CCNY: variants seen among roughly 807,000 people sequenced by gnomAD.
CCNY encodes cyclin Y.
Under a neutral mutation model 42.8 loss-of-function variants are expected in CCNY, and 19 were observed. That is an observed-to-expected ratio of 0.44 (90% CI 0.31 to 0.65). The LOEUF (loss-of-function observed/expected upper bound fraction) is 0.65, where lower values mean the gene tolerates loss of function less well. Among genes scored for constraint, CCNY ranks in the 30% least tolerant of loss-of-function variants. The pLI is 0.07. For synonymous variants in CCNY, 165 were observed against 162.7 expected (o/e 1.01, Z -0.11); for missense variants, 370 against 437.3 (o/e 0.85, Z 1.37).
intron 1 of CCNY, among the ~76,000 whole-genome samples, chr10:35,414,346 A>C (rs10827502): frequency 0.29 from 44,106 of 152,188 alleles, 6,672 homozygotes; most frequent in Admixed American, 0.35. Flanking sequence ...TATGAGACTG[A>C]GGGCCACAGT....
chr10:35,534,999 A>ATGTG (rs59534409), intron 7 of CCNY, among the ~76,000 whole-genome samples: 16,153 of 133,298 alleles, frequency 0.12, 960 homozygotes, highest in African/African-American at 0.14. Flanking sequence ...ATCTATATAT[A>ATGTG]TGTGTGTGTG....
intron 8 of CCNY, among the ~76,000 whole-genome samples, chr10:35,560,690 G>T (rs991185150): frequency 2.6e-5 from 4 of 152,362 alleles, no homozygotes; most frequent in Middle Eastern, 3.4e-3. Flanking sequence ...TCTAGGAGCT[G>T]CTGGAGATAT....
chr10:35,568,072 A>G (rs10764048), intron 9 of CCNY, among the ~76,000 whole-genome samples: 61,866 of 152,038 alleles, frequency 0.41, 13,734 homozygotes, highest in African/African-American at 0.59. Context: ...CTTCAGTGCT[A>G]ATGAGACAAG....
chr10:35,469,114 G>A lies in CCNY; in HGVS notation c.155-14290G>A, dbSNP rs773824116. Reference sequence around the variant, plus strand: ...TATGCCAGATCACTGGTGTGAACCCGCATGTGTGTCACCTTAGTCAAAACC... The same window carrying A: ...TATGCCAGATCACTGGTGTGAACCCACATGTGTGTCACCTTAGTCAAAACC... On this transcript the variant is annotated intron_variant, in intron 1 of 9. Coordinates refer to ENST00000374704, the MANE Select transcript of CCNY (RefSeq NM_145012.6). 4.8e-4 allele frequency among the ~76,000 whole-genome samples: 73 copies of A among 152,284 alleles called. 1 individual carries two copies. Among genetic ancestry groups the A allele is most frequent in the Middle Eastern group, 3.4e-3 (1 of 294 alleles).
chr10:35,553,278 C>A, intron 8 of CCNY, 93 bp downstream of exon 8: 1 of 1,242,112 alleles, frequency 8.1e-7, no homozygotes, highest in Non-Finnish European at 1.1e-6. Flanking sequence ...CTGTATAGCG[C>A]AGAATGCATG....
chr10:35,483,147 A>AT (rs1839711430), intron 1 of CCNY, among the ~76,000 whole-genome samples: 1 of 152,264 alleles, frequency 6.6e-6, no homozygotes, highest in South Asian at 2.1e-4. Flanking sequence ...GCAGAGCAGA[A>AT]TTTTTTCAGG....
At chr10:35,261,323 C>T (rs1042355047) in intron 3 of CCNY, among the ~76,000 whole-genome samples, 2 of 151,490 alleles carry the variant, frequency 1.3e-5, no homozygotes, top group African/African-American at 2.4e-5. Context: ...CAGCAACCTC[C>T]GCCTTCTGGG....
At chr10:35,423,212 C>T (rs1284381121) in intron 1 of CCNY, among the ~76,000 whole-genome samples, 3 of 152,072 alleles carry the variant, frequency 2.0e-5, no homozygotes, top group Non-Finnish European at 4.4e-5. Context: ...TGGTAGCTCA[C>T]ACCTGTAATG....
At chr10:35,300,630 G>A (rs1168942604) in intron 3 of CCNY, among the ~76,000 whole-genome samples, 1 of 151,806 alleles carries the variant, frequency 6.6e-6, no homozygotes. Context: ...ATTGCCACAT[G>A]GTTCATTAAA....
chr10:35,466,066 G>C (rs985095551), intron 1 of CCNY, among the ~76,000 whole-genome samples: 5 of 152,038 alleles, frequency 3.3e-5, no homozygotes, highest in Non-Finnish European at 7.4e-5. Context: ...CCATTCCTTA[G>C]TGGCATATAG....
chr10:35,386,373 A>G (rs1010573472), intron 1 of CCNY, among the ~76,000 whole-genome samples: 52 of 152,318 alleles, frequency 3.4e-4, no homozygotes, highest in African/African-American at 1.2e-3. Flanking sequence ...AGAGCTATGC[A>G]TCCTGGTTCT....
chr10:35,307,818 ATTT>A lies in CCNY; in HGVS notation c.-9+57205_-9+57207del, dbSNP rs1241404700. Among the ~76,000 whole-genome samples, 364 of 96,126 alleles carry A rather than the reference ATTT, an allele frequency of 3.8e-3. 1 individual carries two copies. Among genetic ancestry groups the A allele is most frequent in the East Asian group, 0.01 (36 of 3,512 alleles). The allele number at this position is 96,126 out of a possible 152,430, so 63.1% of individuals were successfully genotyped here. On this transcript the variant is annotated intron_variant, in intron 3 of 11. Coordinates refer to the CCNY transcript ENST00000374706. Reference sequence around the variant, plus strand: ...TGTGTGTGTATATATATATATATATATTTTTTTTTTTTTTTCTGAGATGGAGTC... The same window carrying A: ...TGTGTGTGTATATATATATATATATATTTTTTTTTTTTCTGAGATGGAGTC...
At chr10:35,471,488 A>G (rs1839390918) in intron 1 of CCNY, among the ~76,000 whole-genome samples, 1 of 152,242 alleles carries the variant, frequency 6.6e-6, no homozygotes, top group Non-Finnish European at 1.5e-5. Context: ...AAGATGAGCA[A>G]TTGTGGATCA....
At chr10:35,514,074 T>TTAAA (rs1840375952) in intron 3 of CCNY, among the ~76,000 whole-genome samples, 1 of 24,210 alleles carries the variant, frequency 4.1e-5, no homozygotes, top group Non-Finnish European at 8.6e-5. Flanking sequence ...GAGGACCAGT[T>TTAAA]CAAAAAAAAA....
At chr10:35,357,177 C>A (rs953221231) in intron 1 of CCNY, among the ~76,000 whole-genome samples, 4 of 151,132 alleles carry the variant, frequency 2.6e-5, no homozygotes, top group Admixed American at 2.6e-4. Context: ...CCTGCTCCTG[C>A]CCCTGCCCCT....
At chr10:35,453,171 A>G (rs898794262) in intron 1 of CCNY, among the ~76,000 whole-genome samples, 1 of 152,140 alleles carries the variant, frequency 6.6e-6, no homozygotes, top group Non-Finnish European at 1.5e-5. Flanking sequence ...TTCTGGGCTT[A>G]AGGAGTCTTC....
At chr10:35,280,070 G>T (rs1835282394) in intron 3 of CCNY, among the ~76,000 whole-genome samples, 1 of 152,058 alleles carries the variant, frequency 6.6e-6, no homozygotes, top group Non-Finnish European at 1.5e-5. Context: ...TTTCATCTTT[G>T]TATCTATGTC....
chr10:35,337,200 C>T lies in CCNY; in HGVS notation c.147C>T (p.Asn49=). 2 of 1,553,404 alleles carry T rather than the reference C, an allele frequency of 1.3e-6. No individual in the cohort carries two copies. Among genetic ancestry groups the T allele is most frequent in the African/African-American group, 2.8e-5 (2 of 71,602 alleles). Residue 49 remains asparagine (N), a synonymous_variant, in exon 1 of 10, where the codon AAC becomes AAT. Coordinates refer to ENST00000374704, the MANE Select transcript of CCNY (RefSeq NM_145012.6). ...CNLQHISDRE[N]IDDLNMEFNP... is the part of the protein sequence containing the mutation. ...TGCAGCACATCAGCGACCGGGAGAA[C>T]ATAGACGGTGAGTGCGGCCCGCCGA... is the stretch of plus-strand genomic sequence containing the variant.
intron 3 of CCNY, among the ~76,000 whole-genome samples, chr10:35,255,806 A>G (rs2095715073): frequency 6.6e-6 from 1 of 151,866 alleles, no homozygotes; most frequent in Non-Finnish European, 1.5e-5. Context: ...TGTTGCCCAG[A>G]CCGGTCTCGA....
Sources: gnomAD v4.1 joint callset for allele counts (sites outside exome capture counted in the v4.1 genomes callset) on GRCh38, gnomAD v4.1.1 for gene constraint, MANE v1.5 for transcripts, NCBI Gene and HGNC (gene_info 2026-07-23, HGNC 2026-07-21) for gene names.